Variants in DAP observed in about 807,000 individuals in gnomAD.
DAP encodes the protein death-associated protein 1.
DAP carries 8 observed loss-of-function variants against 13.8 expected under a neutral mutation model. That is an observed-to-expected ratio of 0.58 (90% confidence interval 0.34 to 1.05). DAP has a LOEUF of 1.05. Among genes scored for constraint, DAP ranks in the 50% least tolerant of loss-of-function variants. DAP has a pLI of 0.03. For synonymous variants in DAP, 47 were observed against 47.5 expected (o/e 0.99, Z 0.04); for missense variants, 106 against 133.2 (o/e 0.80, Z 1.01).
At chr5:10,683,213 C>G in intron 3 of DAP, 1 of 419,812 alleles carries the variant, frequency 2.4e-6, no homozygotes, top group Non-Finnish European at 4.3e-6. Flanking sequence ...AACAGCAGCC[C>G]TATGGACGGC....
rs540182472 is a variant in DAP at position 10,742,325 on chromosome 5, G to C, written c.152+5850C>G. ...TAAGACGGGCCAATCACAAGGTCAG[G>C]AGTTCAAGACCAGCCTAGCCAACAT... On this transcript the variant is annotated intron_variant, in intron 2 of 3. Coordinates refer to ENST00000230895, the MANE Select transcript of DAP (RefSeq NM_004394.3). Among the ~76,000 whole-genome samples, 227 of 152,266 alleles carry C rather than the reference G, an allele frequency of 1.5e-3. 1 individual carries two copies. Among genetic ancestry groups the C allele is most frequent in the East Asian group, 6.4e-3 (33 of 5,182 alleles).
At chr5:10,703,191 G>A (rs1387528680) in intron 2 of DAP, among the ~76,000 whole-genome samples, 1 of 152,220 alleles carries the variant, frequency 6.6e-6, no homozygotes, top group Non-Finnish European at 1.5e-5. Flanking sequence ...TTACAAAGCA[G>A]GGGTGCTCCC....
intron 2 of DAP, among the ~76,000 whole-genome samples, chr5:10,699,923 TGAAG>T (rs1460341725): frequency 6.6e-6 from 1 of 152,212 alleles, no homozygotes; most frequent in Non-Finnish European, 1.5e-5. Flanking sequence ...ATCTCACCAG[TGAAG>T]ATATCTATGT....
chr5:10,708,919 A>T (rs1254305999), intron 2 of DAP, among the ~76,000 whole-genome samples: 1 of 152,246 alleles, frequency 6.6e-6, no homozygotes, highest in Non-Finnish European at 1.5e-5. Context: ...TTTGAAGTTC[A>T]TGTTCATTGG....
chr5:10,747,704 G>A (rs1739941355), intron 2 of DAP, among the ~76,000 whole-genome samples: 1 of 152,230 alleles, frequency 6.6e-6, no homozygotes, highest in Admixed American at 6.5e-5. Flanking sequence ...AGACTCACAG[G>A]TGCAAGAATT....
At chr5:10,749,295 CAT>C (rs1174648196) in intron 1 of DAP, among the ~76,000 whole-genome samples, 2 of 152,178 alleles carry the variant, frequency 1.3e-5, no homozygotes, top group Non-Finnish European at 2.9e-5. Context: ...TTTGTATGGA[CAT>C]ATGTTTTCAT....
In DAP at chr5:10,726,676, TC is replaced by T. The variant is rs542996327; in HGVS notation, c.152+21498del. Among the ~76,000 whole-genome samples the T allele has an allele frequency of 1.4e-3, 220 of 152,316 alleles. 1 individual carries two copies. Among genetic ancestry groups the T allele is most frequent in the African/African-American group, 5.1e-3 (213 of 41,558 alleles). ...ACCCTCCAAGCTTACCCTCGTTACA[TC>T]CAAAATTGTGAAGGGCCTGAGGTTT... On this transcript the variant is annotated intron_variant, in intron 2 of 3. Transcript: ENST00000230895.
At position 10,681,147 on chromosome 5, in the gene DAP, G is replaced by A. The variant is rs772491673; in HGVS notation, c.218C>T (p.Ala73Val). Residue 73 changes from alanine to valine, a missense_variant, in exon 4 of 4, where the codon GCG (alanine) becomes GTG (valine). By Grantham distance (64) the Ala-to-Val change is moderately conservative. Coordinates refer to ENST00000230895, the MANE Select transcript of DAP (RefSeq NM_004394.3). ...CTTCTGGTGAGCCACCTGCGCAGCCGCCGGGGGGAAATCTTTGTCACCCTG... is the reference window on the plus strand; with the variant it reads ...CTTCTGGTGAGCCACCTGCGCAGCCACCGGGGGGAAATCTTTGTCACCCTG... ...IARGDKDFPP[A>V]AAQVAHQKPH... The A allele has an allele frequency of 1.4e-5, 21 of 1,520,912 alleles. No individual in the cohort carries two copies. The South Asian group carries it at 1.7e-4, about 13-fold the overall frequency. 94.2% of individuals were successfully genotyped at this position (1,520,912 alleles called of 1,614,324 possible). A position where few individuals can be genotyped will look rare whatever the true frequency, so the allele number is the denominator to read the frequency against.
intron 2 of DAP, among the ~76,000 whole-genome samples, chr5:10,688,654 TAA>T (rs748290558): frequency 4.0e-5 from 6 of 151,742 alleles, no homozygotes; most frequent in African/African-American, 7.2e-5. Context: ...TGTGTATTTA[TAA>T]AGATTGACAC....
chr5:10,757,470 C>T (rs1740218505), intron 1 of DAP, among the ~76,000 whole-genome samples: 1 of 152,128 alleles, frequency 6.6e-6, no homozygotes, highest in African/African-American at 2.4e-5. Flanking sequence ...GACGGGGTTT[C>T]ACCATGTTGG....
intron 2 of DAP, among the ~76,000 whole-genome samples, chr5:10,718,695 A>G (rs1354408018): frequency 2.0e-5 from 3 of 152,206 alleles, no homozygotes; most frequent in Non-Finnish European, 4.4e-5. Context: ...ATGTAGTTTC[A>G]TTGCTTGAGC....
intron 2 of DAP, among the ~76,000 whole-genome samples, chr5:10,694,381 T>TGTGC (rs1275671134): frequency 7.0e-6 from 1 of 143,230 alleles, no homozygotes; most frequent in East Asian, 2.0e-4. Flanking sequence ...ACTCTATATA[T>TGTGC]GTGCATACAC....
chr5:10,705,372 G>A (rs886721519), intron 2 of DAP, among the ~76,000 whole-genome samples: 2 of 152,202 alleles, frequency 1.3e-5, no homozygotes, highest in African/African-American at 4.8e-5. Context: ...CTAGTGGGAG[G>A]CCCAGGCTAG....
At chr5:10,751,853 T>A (rs192954898) in intron 1 of DAP, among the ~76,000 whole-genome samples, 10 of 152,320 alleles carry the variant, frequency 6.6e-5, no homozygotes. Context: ...AACACCTTGA[T>A]CTTGGACTTC....
At chr5:10,704,133 G>A (rs1738645045) in intron 2 of DAP, among the ~76,000 whole-genome samples, 1 of 152,162 alleles carries the variant, frequency 6.6e-6, no homozygotes. Context: ...TGGAGCCCTT[G>A]GGGCTACATA....
intron 2 of DAP, 81 bp from the exon 3 acceptor site, chr5:10,683,652 A>C: frequency 1.4e-6 from 2 of 1,381,442 alleles, no homozygotes; most frequent in Non-Finnish European, 1.0e-6. Flanking sequence ...GTGTATGTGG[A>C]TGAGCCAGGC....
intron 2 of DAP, among the ~76,000 whole-genome samples, chr5:10,733,593 C>T (rs952639528): frequency 4.6e-5 from 7 of 152,020 alleles, no homozygotes; most frequent in South Asian, 4.1e-4. Flanking sequence ...TACTCCAGCC[C>T]GTATTAATTC....
intron 2 of DAP, among the ~76,000 whole-genome samples, chr5:10,710,999 G>A (rs1277960440): frequency 6.6e-6 from 1 of 152,214 alleles, no homozygotes; most frequent in Admixed American, 6.5e-5. Context: ...GAGGACAGAA[G>A]AGACAAAGAG....
At chr5:10,690,159 C>T (rs1044268690) in intron 2 of DAP, among the ~76,000 whole-genome samples, 7 of 152,138 alleles carry the variant, frequency 4.6e-5, no homozygotes, top group Admixed American at 6.5e-5. Context: ...AAAGTCTTAT[C>T]GAGCCGCAAG....
Sources: allele counts gnomAD v4.1 joint callset (sites outside exome capture counted in the v4.1 genomes callset), GRCh38; gene constraint gnomAD v4.1.1; transcripts MANE v1.5; gene names NCBI Gene and HGNC (gene_info 2026-07-23, HGNC 2026-07-21).